The following ATP7B variants were observed in gnomAD, a reference collection of about 807,000 sequenced individuals.
ATP7B encodes ATPase copper transporting beta, also known as copper-transporting ATPase 2.
ATP7B carries 113 observed loss-of-function variants against 118.9 expected under a neutral mutation model. The ratio of observed to expected loss-of-function variants is 0.95; its 90% confidence interval spans 0.82 to 1.11. The LOEUF is 1.11. Among genes scored for constraint, ATP7B ranks in the 50% most tolerant of loss-of-function variants. The pLI, the probability that ATP7B is intolerant of heterozygous loss-of-function variation, is 0.00. For missense variants in ATP7B, 1,867 were observed against 1,871.4 expected (o/e 1.00, Z 0.04); for synonymous variants, 777 against 727.4 (o/e 1.07, Z -1.10).
In ATP7B at chr13:52,011,287, T is replaced by A. The variant is rs1162535023; in HGVS notation, c.51A>T (p.Lys17Asn). The change falls in exon 1 of 21, where the codon AAA (lysine) becomes AAT (asparagine). Residue 17 changes from lysine (K) to asparagine (N), a missense_variant and splice_region_variant. Coordinates refer to ENST00000242839, the MANE Select transcript of ATP7B (RefSeq NM_000053.4). ...GCGGACGCGGGGGAACAAAACTCACTTTCCGACTGGCCCCTTCTCTGGCTG... is the reference window on the plus strand; with the variant it reads ...GCGGACGCGGGGGAACAAAACTCACATTCCGACTGGCCCCTTCTCTGGCTG... Reference protein sequence around the residue: ...QITAREGASRKILSKLSLPTR... With the variant: ...QITAREGASRNILSKLSLPTR... The A allele has an allele frequency of 6.2e-7, 1 of 1,614,200 alleles. No homozygotes were observed. The highest frequency in any genetic ancestry group is 1.1e-5 in the South Asian group (1 of 91,086).
intron 4 of ATP7B, chr13:51,966,949 G>A: frequency 6.2e-7 from 1 of 1,613,382 alleles, no homozygotes; most frequent in African/African-American, 1.3e-5. Context: ...TTGTACCCTG[G>A]GAGATGAGTT....
intron 14 of ATP7B, among the ~76,000 whole-genome samples, chr13:51,942,953 T>A (rs1957424726): frequency 1.3e-5 from 2 of 152,134 alleles, no homozygotes; most frequent in African/African-American, 4.8e-5. Context: ...TTGCAAATAA[T>A]TTCATTAAAA....
intron 3 of ATP7B, among the ~76,000 whole-genome samples, chr13:51,968,886 G>A (rs1307779998): frequency 2.2e-4 from 31 of 143,986 alleles, no homozygotes; most frequent in Non-Finnish European, 3.3e-4. Context: ...TTTTGAGATG[G>A]AATCTCACTC....
intron 2 of ATP7B, among the ~76,000 whole-genome samples, chr13:51,972,559 G>A (rs1951893827): frequency 6.6e-6 from 1 of 152,118 alleles, no homozygotes; most frequent in Non-Finnish European, 1.5e-5. Context: ...CCCCAAGCTT[G>A]GTGGAGCTGC....
At chr13:51,942,631 G>C in intron 14 of ATP7B, 77 bp from the exon 15 acceptor site, 1 of 1,568,200 alleles carries the variant, frequency 6.4e-7, no homozygotes, top group South Asian at 1.1e-5. Flanking sequence ...AGGCAGGACA[G>C]GGACACAGGG....
chr13:51,958,462 A>C lies in ATP7B; in HGVS notation c.2204T>G (p.Leu735Arg). The part of the protein sequence containing the change: ...RSANMDVLIV[L>R]ATSIAYVYSL... ...ATAAACATAAGCAATGCTTGTGGCC[A>C]GGACGATGAGCACGTCCATGTTGGC... is the stretch of plus-strand genomic sequence containing the variant. The change falls in exon 8 of 21, where the codon CTG becomes CGG. Residue 735 changes from leucine to arginine, a missense_variant. Coordinates refer to ENST00000242839, the MANE Select transcript of ATP7B (RefSeq NM_000053.4). 6.2e-7 allele frequency: 1 copy of C among 1,614,276 alleles called. No individual in the cohort carries two copies. Among genetic ancestry groups the C allele is most frequent in the Middle Eastern group, 1.6e-4 (1 of 6,062 alleles).
intron 1 of ATP7B, 85 bp downstream of exon 1, chr13:52,011,202 G>A (rs1024358633): frequency 8.3e-5 from 133 of 1,606,446 alleles, no homozygotes; most frequent in Non-Finnish European, 1.1e-4. Context: ...GCACCCCCTG[G>A]GGGCGAGTAA....
chr13:51,957,673 A>G, intron 8 of ATP7B, 66 bp from the exon 9 acceptor site: 1 of 1,489,080 alleles, frequency 6.7e-7, no homozygotes, highest in East Asian at 2.3e-5. Flanking sequence ...CCAGCCTGAG[A>G]GTCACAAGCG....
chr13:51,972,845 A>G (rs1326558248), intron 2 of ATP7B, among the ~76,000 whole-genome samples: 1 of 152,074 alleles, frequency 6.6e-6, no homozygotes, highest in African/African-American at 2.4e-5. Context: ...ACAAAAAAAT[A>G]AAAATAAAAA....
chr13:51,956,998 T>C, intron 9 of ATP7B, among the ~76,000 whole-genome samples: 1 of 152,178 alleles, frequency 6.6e-6, no homozygotes, highest in East Asian at 1.9e-4. Context: ...TCAGAAAGTT[T>C]CCATCTTTGG....
In ATP7B at chr13:51,939,132, C is replaced by T. The variant is rs754144261; in HGVS notation, c.3618G>A (p.Val1206=). 4 of 1,614,122 alleles carry T rather than the reference C, an allele frequency of 2.5e-6. No individual in the cohort carries two copies. The East Asian group carries it at 8.9e-5, about 36-fold the overall frequency. The change falls in exon 17 of 21, where the codon GTG becomes GTA. Residue 1206 remains valine, a synonymous_variant. Transcript: ENST00000242839. Reference sequence around the variant, plus strand: ...CCACACCCATGCTCTGCAGCGTGTGCACAGCCAGGGCAGCCTCCTGCTTGA... The same window carrying T: ...CCACACCCATGCTCTGCAGCGTGTGTACAGCCAGGGCAGCCTCCTGCTTGA... ...DAVKQEAALA[V]HTLQSMGVDV...
At chr13:51,963,755 A>G (rs1262730682) in intron 5 of ATP7B, among the ~76,000 whole-genome samples, 2 of 149,524 alleles carry the variant, frequency 1.3e-5, no homozygotes, top group African/African-American at 4.9e-5. Context: ...AAAAAAAAAA[A>G]AAAACTCTCC....
chr13:51,942,723 T>C (rs1014509023), intron 14 of ATP7B, among the ~76,000 whole-genome samples, 169 bp from the exon 15 acceptor site: 1 of 152,140 alleles, frequency 6.6e-6, no homozygotes, highest in Non-Finnish European at 1.5e-5. Context: ...AAGGTTAAGA[T>C]AGTGACTAGT....
chr13:51,995,017 T>C (rs1593852291), intron 1 of ATP7B, among the ~76,000 whole-genome samples: 2 of 152,322 alleles, frequency 1.3e-5, no homozygotes, highest in Admixed American at 6.5e-5. Context: ...GTATACACTA[T>C]AAAACATATT....
rs1316450845 is a variant in ATP7B at position 52,011,326 on chromosome 13, C to T, written c.12G>A (p.Gln4=). The change falls in exon 1 of 21, where the codon CAG becomes CAA. Residue 4 remains glutamine, a synonymous_variant. Coordinates refer to ENST00000242839, the MANE Select transcript of ATP7B (RefSeq NM_000053.4). MPE[Q]ERQITAREGA... The stretch of plus-strand genomic sequence containing the variant: ...CTTCTCTGGCTGTGATCTGTCTCTC[C>T]TGCTCAGGCATCGTCCCGCACGGAC... The T allele has an allele frequency of 3.7e-6, 6 of 1,614,142 alleles. No individual in the cohort carries two copies. The highest frequency in any genetic ancestry group is 5.1e-6 in the Non-Finnish European group (6 of 1,180,038).
chr13:51,987,374 C>A (rs920329568), intron 1 of ATP7B, among the ~76,000 whole-genome samples: 2 of 152,184 alleles, frequency 1.3e-5, no homozygotes, highest in African/African-American at 2.4e-5. Flanking sequence ...AGGACCTCTT[C>A]AAGGAGAACT....
At chr13:51,975,264 C>T (rs1212123913) in intron 1 of ATP7B, 96 bp from the exon 2 acceptor site, 1 of 1,473,416 alleles carries the variant, frequency 6.8e-7, no homozygotes, top group East Asian at 2.3e-5. Context: ...AAAACAATGC[C>T]ACTGGTGTCA....
chr13:51,997,929 T>A (rs1953292387), intron 1 of ATP7B, among the ~76,000 whole-genome samples: 1 of 152,124 alleles, frequency 6.6e-6, no homozygotes, highest in Non-Finnish European at 1.5e-5. Context: ...GGCTTCTCCT[T>A]TGCTCCCATA....
chr13:52,009,578 T>C (rs528284403), intron 1 of ATP7B, among the ~76,000 whole-genome samples: 1 of 152,350 alleles, frequency 6.6e-6, no homozygotes, highest in African/African-American at 2.4e-5. Flanking sequence ...AGATCTTATG[T>C]TGTAAGACTC....
Sources: allele counts gnomAD v4.1 joint callset (sites outside exome capture counted in the v4.1 genomes callset), GRCh38; gene constraint gnomAD v4.1.1; transcripts MANE v1.5; gene names NCBI Gene and HGNC (gene_info 2026-07-23, HGNC 2026-07-21).